Variants in TRIM5 observed in about 807,000 individuals in gnomAD.
The protein encoded by TRIM5 is tripartite motif-containing protein 5.
In TRIM5, 31 loss-of-function variants were observed where a neutral mutation model predicts 35.6. The observed-to-expected ratio is 0.87, with a 90% CI of 0.65 to 1.18. The LOEUF (loss-of-function observed/expected upper bound fraction) is 1.18. Among genes scored for constraint, TRIM5 ranks in the 50% most tolerant of loss-of-function variants. The pLI, the probability that TRIM5 is intolerant of heterozygous loss-of-function variation, is 0.00. For synonymous variants in TRIM5, 243 were observed against 215.6 expected, an observed-to-expected ratio of 1.13 and a Z score of -1.11; for missense variants, 609 against 591.6, an observed-to-expected ratio of 1.03 and a Z score of -0.31.
At chr11:5,662,608 A>T (rs1416876676), downstream of TRIM5, among the ~76,000 whole-genome samples, 2 of 152,222 alleles carry the variant, frequency 1.3e-5, no homozygotes, top group African/African-American at 4.8e-5. Context: ...GTACTCAGAA[A>T]TACTTAAAAC....
chr11:5,666,284 G>A (rs528599230), intron 5 of TRIM5: 14 of 659,752 alleles, frequency 2.1e-5, no homozygotes, highest in African/African-American at 3.6e-5. Flanking sequence ...CTGTGAGAAC[G>A]TGGGAAGATC....
At chr11:5,659,251 G>A (rs1850734831), downstream of TRIM5, among the ~76,000 whole-genome samples, 1 of 152,076 alleles carries the variant, frequency 6.6e-6, no homozygotes, top group Non-Finnish European at 1.5e-5. Context: ...CAGCCTGCCC[G>A]TCTGCATTCT....
chr11:5,612,006 T>C, the TRIM5 span: 1 of 152,232 alleles, frequency 6.6e-6, no homozygotes, highest in East Asian at 1.9e-4. Context: ...CTGTAAATTA[T>C]TGAGACAATT....
At chr11:5,633,723 C>G in the TRIM5 span, 16 of 1,413,610 alleles carry the variant, frequency 1.1e-5, no homozygotes, top group Non-Finnish European at 1.5e-5. Context: ...CTGGGATCAA[C>G]TTGATTTTTT....
chr11:5,609,940 C>T, the TRIM5 span, among the ~76,000 whole-genome samples: 4 of 152,106 alleles, frequency 2.6e-5, no homozygotes, highest in Admixed American at 6.6e-5. Context: ...AAAGTTAAAT[C>T]TTACACAAGT....
At chr11:5,603,146 C>T in the TRIM5 span, 5 of 1,511,728 alleles carry the variant, frequency 3.3e-6, no homozygotes, top group Admixed American at 2.3e-5. Flanking sequence ...CCTTGTTACC[C>T]CAGGTGTCTG....
the TRIM5 span, among the ~76,000 whole-genome samples, chr11:5,630,911 T>C: frequency 2.0e-5 from 3 of 152,228 alleles, no homozygotes; most frequent in African/African-American, 7.2e-5. Context: ...GAAGATAATA[T>C]GTCTTCAGTG....
At chr11:5,644,779 G>A in the TRIM5 span, among the ~76,000 whole-genome samples, 2 of 152,072 alleles carry the variant, frequency 1.3e-5, no homozygotes, top group African/African-American at 4.8e-5. Context: ...TGAAATAGTT[G>A]GGATTTTTGT....
intron 3 of TRIM5, 91 bp from the exon 4 acceptor site, chr11:5,678,525 A>C: frequency 1.9e-6 from 2 of 1,026,532 alleles, no homozygotes; most frequent in Non-Finnish European, 2.8e-6. Context: ...GGGAGTTCTC[A>C]CAAGGAGGGG....
the TRIM5 span, among the ~76,000 whole-genome samples, chr11:5,592,478 G>C: frequency 6.6e-6 from 1 of 152,014 alleles, no homozygotes; most frequent in Non-Finnish European, 1.5e-5. Flanking sequence ...TCTGAATCTT[G>C]GCAAAACTGG....
the TRIM5 span, chr11:5,610,662 C>T: frequency 1.9e-6 from 3 of 1,564,714 alleles, no homozygotes; most frequent in Non-Finnish European, 2.6e-6. Context: ...TGATGCCTCC[C>T]CCATCCCCGC....
chr11:5,640,042 T>A, the TRIM5 span, among the ~76,000 whole-genome samples: 1 of 152,244 alleles, frequency 6.6e-6, no homozygotes, highest in Non-Finnish European at 1.5e-5. Context: ...TTGACTATAG[T>A]CACACTGTTG....
the TRIM5 span, chr11:5,610,679 G>C: frequency 1.9e-6 from 3 of 1,570,052 alleles, no homozygotes; most frequent in African/African-American, 1.3e-5. Context: ...CCGCCATATA[G>C]TTCCAGTTCC....
chr11:5,617,263 C>T, the TRIM5 span, among the ~76,000 whole-genome samples: 2 of 143,102 alleles, frequency 1.4e-5, no homozygotes, highest in Admixed American at 7.1e-5. Context: ...GATAGAACTG[C>T]AAGTTTAAGG....
At chr11:5,611,457 T>G in the TRIM5 span, 1 of 992,076 alleles carries the variant, frequency 1.0e-6, no homozygotes, top group Non-Finnish European at 1.5e-6. Flanking sequence ...GTTTTTTGGT[T>G]TTTGAATCTT....
At chr11:5,611,496 C>T in the TRIM5 span, 5 of 708,366 alleles carry the variant, frequency 7.1e-6, no homozygotes, top group Admixed American at 1.1e-4. Context: ...CTCTGTCGCC[C>T]AGGCTGGAGT....
the TRIM5 span, chr11:5,597,026 T>C: frequency 1.3e-6 from 2 of 1,556,230 alleles, no homozygotes; most frequent in Middle Eastern, 1.8e-4. Context: ...TCTTTATTTC[T>C]TTTTCTTTCT....
chr11:5,652,912 C>T, the TRIM5 span, among the ~76,000 whole-genome samples: 26 of 148,674 alleles, frequency 1.7e-4, no homozygotes, highest in South Asian at 1.1e-3. Context: ...AGTGCAGTGG[C>T]GTGATCTCAG....
chr11:5,596,934 G>C, the TRIM5 span: 1 of 1,614,036 alleles, frequency 6.2e-7, no homozygotes, highest in Non-Finnish European at 8.5e-7. Flanking sequence ...CCGTTCTGTT[G>C]ACTGGCTCTT....
Sources: gnomAD v4.1 joint callset for allele counts (sites outside exome capture counted in the v4.1 genomes callset) on GRCh38, gnomAD v4.1.1 for gene constraint, MANE v1.5 for transcripts, NCBI Gene and HGNC (gene_info 2026-07-23, HGNC 2026-07-21) for gene names.